CDK15: variants seen among roughly 807,000 people sequenced by gnomAD.
CDK15 encodes the protein cyclin dependent kinase 15.
A neutral mutation model predicts 60.3 loss-of-function variants in CDK15; 62 were observed. That is an observed-to-expected ratio of 1.03 (90% CI 0.84 to 1.27). The LOEUF is 1.27. CDK15 is among the 50% of genes most tolerant of loss of function. The pLI, the probability that CDK15 is intolerant of heterozygous loss-of-function variation, is 0.00. For missense variants in CDK15, 541 were observed against 527.8 expected (o/e 1.03, Z -0.25); for synonymous variants, 194 against 195.7 (o/e 0.99, Z 0.07).
Position 201,832,681 on chromosome 2 carries a change from G to A in CDK15, c.607-1167G>A, listed in dbSNP as rs550911987. ...GCTACATGAAACCTGCATAGCTGCA[G>A]GTATGCTATGGTAGGTAAACTCTCC... On this transcript the variant is annotated intron_variant, in intron 6 of 13. Coordinates refer to ENST00000652192, the MANE Select transcript of CDK15 (RefSeq NM_001366386.2). Among the ~76,000 whole-genome samples, 17 of 152,342 alleles carry A rather than the reference G, an allele frequency of 1.1e-4. No homozygotes were observed. In the South Asian group the frequency reaches 3.5e-3, roughly 32 times the overall value.
intron 8 of CDK15, among the ~76,000 whole-genome samples, chr2:201,840,131 C>T (rs1437208034): frequency 6.6e-6 from 1 of 152,016 alleles, no homozygotes; most frequent in Non-Finnish European, 1.5e-5. Flanking sequence ...ATTACAGGAG[C>T]ACACCATCAC....
intron 12 of CDK15, chr2:201,888,789 C>G: frequency 3.5e-6 from 4 of 1,156,856 alleles, no homozygotes; most frequent in Non-Finnish European, 4.3e-6. Context: ...GGAGGGAAAT[C>G]CCAGCTTTTC....
intron 8 of CDK15, among the ~76,000 whole-genome samples, chr2:201,842,806 G>A (rs1697458279): frequency 6.6e-6 from 1 of 152,134 alleles, no homozygotes. Context: ...AAATGACCCA[G>A]CACATCTCTC....
At chr2:201,818,028 T>C (rs1305406385) in intron 4 of CDK15, among the ~76,000 whole-genome samples, 1 of 152,250 alleles carries the variant, frequency 6.6e-6, no homozygotes, top group Non-Finnish European at 1.5e-5. Context: ...AAACACTTTT[T>C]TATTCAATGT....
chr2:201,831,891 G>T lies in CDK15; in HGVS notation c.607-1957G>T, dbSNP rs185878779. Among the ~76,000 whole-genome samples the T allele has an allele frequency of 2.3e-3, 351 of 152,216 alleles. 2 individuals carry two copies. Among genetic ancestry groups the T allele is most frequent in the African/African-American group, 8.2e-3 (340 of 41,536 alleles). ...TGAGTCTTGGCTCTGACTATTCCTAGACATGTTTTAAAAGTTACATTGAGC... is the reference window on the plus strand; with the variant it reads ...TGAGTCTTGGCTCTGACTATTCCTATACATGTTTTAAAAGTTACATTGAGC... On this transcript the variant is annotated intron_variant, in intron 6 of 13. Transcript: ENST00000652192.
intron 4 of CDK15, among the ~76,000 whole-genome samples, chr2:201,822,216 TTTCAAG>T (rs1233436383): frequency 6.6e-6 from 1 of 152,226 alleles, no homozygotes; most frequent in Non-Finnish European, 1.5e-5. Flanking sequence ...CGACTCCTCT[TTTCAAG>T]TTCACATTTT....
chr2:201,847,435 G>A lies in CDK15; in HGVS notation c.906G>A (p.Gly302=), dbSNP rs1697720170. ...EMFQGQPLFP[G]VSNILEQLEK... ...TCCAGGGTCAACCTTTGTTTCCTGG[G>A]GTTTCCAACATCCTTGAACAGCTGG... The change falls in exon 9 of 14, where the codon GGG becomes GGA. Residue 302 remains glycine (G), a synonymous_variant. Coordinates refer to ENST00000652192, the MANE Select transcript of CDK15 (RefSeq NM_001366386.2). 6.2e-7 allele frequency: 1 copy of A among 1,613,958 alleles called. No individual in the cohort carries two copies. The highest frequency in any genetic ancestry group is 8.5e-7 in the Non-Finnish European group (1 of 1,179,970).
intron 12 of CDK15, chr2:201,888,399 G>A (rs1699535132): frequency 5.9e-6 from 9 of 1,527,576 alleles, no homozygotes; most frequent in Non-Finnish European, 7.9e-6. Flanking sequence ...CTGTCTAGAT[G>A]ACTGAATTTC....
At chr2:201,820,220 GATAATTT>G (rs1696161747) in intron 4 of CDK15, among the ~76,000 whole-genome samples, 1 of 152,020 alleles carries the variant, frequency 6.6e-6, no homozygotes, top group African/African-American at 2.4e-5. Context: ...AAATTTATGA[GATAATTT>G]ATAAATAAAA....
chr2:201,837,356 G>A (rs1246094520), intron 8 of CDK15, among the ~76,000 whole-genome samples: 1 of 128,914 alleles, frequency 7.8e-6, no homozygotes, highest in Non-Finnish European at 1.7e-5. Flanking sequence ...AGGGAGAGGG[G>A]GAGAAAGGGA....
intron 8 of CDK15, among the ~76,000 whole-genome samples, chr2:201,844,753 C>T (rs1023350207): frequency 4.0e-5 from 6 of 151,604 alleles, no homozygotes; most frequent in African/African-American, 1.5e-4. Flanking sequence ...GTTTGGAGTT[C>T]AAGACCAGCC....
rs745523013 is a variant in CDK15 at position 201,806,729 on chromosome 2, G to A, written c.65G>A (p.Gly22Glu). 6.3e-7 allele frequency: 1 copy of A among 1,598,462 alleles called. No individual in the cohort carries two copies. ...PGCSCYHCSE[G>E]GEAHSCRRSQ... Reference sequence around the variant, plus strand: ...TGCAGCTGCTACCATTGTTCAGAGGGAGGCGAGGCACACAGCTGTCGGAGG... The same window carrying A: ...TGCAGCTGCTACCATTGTTCAGAGGAAGGCGAGGCACACAGCTGTCGGAGG... Residue 22 changes from glycine (G) to glutamate (E), a missense_variant, in exon 1 of 14, where the codon GGA (glycine) becomes GAA (glutamate). By Grantham distance (98) the Gly-to-Glu change is moderately conservative (BLOSUM62 -2). Coordinates refer to ENST00000652192, the MANE Select transcript of CDK15 (RefSeq NM_001366386.2).
In CDK15 at chr2:201,882,833, C is replaced by T. The variant is rs915184553; in HGVS notation, c.1198+2666C>T. Among the ~76,000 whole-genome samples the T allele has an allele frequency of 2.6e-5, 4 of 152,212 alleles. No individual in the cohort carries two copies. The highest frequency in any genetic ancestry group is 5.9e-5 in the Non-Finnish European group (4 of 68,034). ...CAGCCAGGGCTGGTTTGTGCACCTT[C>T]GTGACAGTGGCTCTCACCACCAGCA... On this transcript the variant is annotated intron_variant, in intron 12 of 13. Transcript: ENST00000652192. The surrounding 1 kb of genome is among the most constrained non-coding windows in gnomAD (Gnocchi z 4.0).
intron 8 of CDK15, among the ~76,000 whole-genome samples, chr2:201,838,011 T>G (rs943886873): frequency 2.0e-5 from 3 of 152,148 alleles, no homozygotes; most frequent in African/African-American, 7.2e-5. Context: ...CTCAGCACTG[T>G]CACTTCAAAG....
intron 12 of CDK15, among the ~76,000 whole-genome samples, chr2:201,881,132 T>C (rs1699264757): frequency 6.6e-6 from 1 of 152,124 alleles, no homozygotes. Flanking sequence ...GAGGAGCTAC[T>C]GCCCAAGAGG....
intron 8 of CDK15, 105 bp downstream of exon 8, chr2:201,835,868 AT>A (rs1034887237): frequency 1.5e-4 from 70 of 468,340 alleles, no homozygotes; most frequent in African/African-American, 1.3e-3. Context: ...TCACGTATAT[AT>A]TTTTATATAT....
chr2:201,836,714 G>A (rs1697106628), intron 8 of CDK15, among the ~76,000 whole-genome samples: 1 of 150,500 alleles, frequency 6.6e-6, no homozygotes, highest in African/African-American at 2.5e-5. Flanking sequence ...CAGACACACA[G>A]ATGTGTGTGC....
At chr2:201,837,897 G>A (rs1697198819) in intron 8 of CDK15, among the ~76,000 whole-genome samples, 1 of 152,148 alleles carries the variant, frequency 6.6e-6, no homozygotes, top group African/African-American at 2.4e-5. Context: ...AAAGGTTGCA[G>A]ACATTTTTCT....
intron 6 of CDK15, among the ~76,000 whole-genome samples, chr2:201,832,121 C>G (rs1696782494): frequency 6.6e-6 from 1 of 151,828 alleles, no homozygotes; most frequent in African/African-American, 2.4e-5. Flanking sequence ...TCCTGGCTCA[C>G]TGCAACCTCT....
Sources: gnomAD v4.1 joint callset for allele counts (sites outside exome capture counted in the v4.1 genomes callset) on GRCh38, gnomAD v4.1.1 for gene constraint, Gnocchi (gnomAD v3.1) non-coding constraint, MANE v1.5 for transcripts, NCBI Gene and HGNC (gene_info 2026-07-23, HGNC 2026-07-21) for gene names.